The following DGKA variants were observed in gnomAD, a reference collection of about 807,000 sequenced individuals.
DGKA encodes the protein diacylglycerol kinase alpha.
Under a neutral mutation model 105.0 loss-of-function variants are expected in DGKA, and 35 were observed. The observed-to-expected ratio is 0.33, with a 90% CI of 0.25 to 0.44. DGKA has a LOEUF of 0.44. DGKA is among the 20% of genes least tolerant of loss of function. DGKA has a pLI of 1.00. For missense variants in DGKA, 665 were observed against 915.0 expected (o/e 0.73, Z 3.53); for synonymous variants, 296 against 332.0 (o/e 0.89, Z 1.18).
intron 17 of DGKA, among the ~76,000 whole-genome samples, chr12:55,948,128 A>T (rs1032371486): frequency 6.7e-6 from 1 of 149,598 alleles, no homozygotes; most frequent in Admixed American, 6.7e-5. Context: ...CATGCTGGAC[A>T]TGGTGGCTCA....
chr12:55,942,645 CA>C (rs1015996428), intron 17 of DGKA: 4 of 243,270 alleles, frequency 1.6e-5, no homozygotes, highest in Non-Finnish European at 3.3e-5. Context: ...CTCATTCAAA[CA>C]ATTAACCAGG....
intron 7 of DGKA, 68 bp from the exon 8 acceptor site, chr12:55,939,118 A>G: frequency 6.2e-7 from 1 of 1,605,470 alleles, no homozygotes; most frequent in Non-Finnish European, 8.5e-7. Context: ...ATATCCTAAG[A>G]GGCAGTGGAG....
intron 14 of DGKA, 65 bp from the exon 15 acceptor site, chr12:55,941,445 T>C: frequency 6.3e-7 from 1 of 1,591,520 alleles, no homozygotes; most frequent in Non-Finnish European, 8.6e-7. Context: ...ACAAAGAGGG[T>C]GAGGTTCAGA....
intron 23 of DGKA, 24 bp downstream of exon 23, chr12:55,953,434 A>G: frequency 1.2e-6 from 2 of 1,612,926 alleles, no homozygotes; most frequent in Non-Finnish European, 1.7e-6. Flanking sequence ...ATCCCAGCCA[A>G]AAATTAAACC....
chr12:55,950,339 C>T (rs958063313), intron 17 of DGKA, among the ~76,000 whole-genome samples: 11 of 146,802 alleles, frequency 7.5e-5, no homozygotes, highest in African/African-American at 2.8e-4. Context: ...CGGAGTCTTG[C>T]TCTGTCACCC....
intron 6 of DGKA, 41 bp from the exon 7 acceptor site, chr12:55,938,874 T>C (rs375330439): frequency 6.2e-7 from 1 of 1,610,162 alleles, no homozygotes. Flanking sequence ...ATGGTGGTAG[T>C]AAAGGGGATA....
intron 3 of DGKA, 61 bp from the exon 4 acceptor site, chr12:55,937,347 A>G (rs894934293): frequency 1.3e-6 from 2 of 1,582,860 alleles, no homozygotes; most frequent in African/African-American, 2.7e-5. Context: ...GCTACTCCCA[A>G]TTCTTCAGCC....
At chr12:55,938,766 A>G in intron 6 of DGKA, 149 bp from the exon 7 acceptor site, 1 of 1,532,956 alleles carries the variant, frequency 6.5e-7, no homozygotes. Context: ...CCTTACAAAC[A>G]TACAAACACA....
At chr12:55,929,848 C>G (rs1226569168), upstream of DGKA, 2 of 152,138 alleles carry the variant, frequency 1.3e-5, no homozygotes, top group Non-Finnish European at 2.9e-5. Flanking sequence ...CCACCTTATT[C>G]CTTATTCGAG....
At chr12:55,951,328 C>T (rs935867380) in intron 17 of DGKA, among the ~76,000 whole-genome samples, 8 of 152,156 alleles carry the variant, frequency 5.3e-5, no homozygotes, top group Non-Finnish European at 7.3e-5. Flanking sequence ...AGAGGATTAT[C>T]CCCATTTGTC....
At chr12:55,951,477 C>T in intron 17 of DGKA, 146 bp from the exon 18 acceptor site, 3 of 760,000 alleles carry the variant, frequency 3.9e-6, no homozygotes, top group Non-Finnish European at 6.4e-6. Context: ...GAGCTGTGAC[C>T]ATGCACCCTG....
At chr12:55,938,869 G>T in intron 6 of DGKA, 46 bp from the exon 7 acceptor site, 1 of 1,608,012 alleles carries the variant, frequency 6.2e-7, no homozygotes, top group South Asian at 1.1e-5. Flanking sequence ...TTTGGATGGT[G>T]GTAGTAAAGG....
chr12:55,953,603 C>T (rs1028393552), intron 23 of DGKA, 82 bp from the exon 24 acceptor site: 5 of 1,482,044 alleles, frequency 3.4e-6, no homozygotes, highest in African/African-American at 1.4e-5. Context: ...ACCCCAAACC[C>T]CACAGATTTC....
intron 9 of DGKA, 85 bp downstream of exon 9, chr12:55,939,614 T>C: frequency 7.4e-7 from 1 of 1,347,708 alleles, no homozygotes; most frequent in South Asian, 1.2e-5. Flanking sequence ...AGAAAAGACC[T>C]AGGTTTGAAT....
chr12:55,936,604 C>A (rs1565733361), intron 2 of DGKA, 37 bp downstream of exon 2: 2 of 1,613,810 alleles, frequency 1.2e-6, no homozygotes. Context: ...TCTGGAGACC[C>A]TGCCCCAGAG....
At chr12:55,927,932 T>A, upstream of DGKA, 1 of 773,652 alleles carries the variant, frequency 1.3e-6, no homozygotes, top group Non-Finnish European at 2.0e-6. Flanking sequence ...GAGGGCAGGG[T>A]GAAAGCTTCT....
rs780581470 is a variant in DGKA, at chr12:55,932,470, G to A, written c.-82+1126G>A. ...AGAAGGGTTCTTGTTTGGCCTCCAG[G>A]TCCCCAACTTCCCACCCCATCCTCT... On this transcript the variant is annotated intron_variant, in intron 1 of 23. Coordinates refer to ENST00000331886, the MANE Select transcript of DGKA (RefSeq NM_001345.5). This position sits in a 1 kb window ranked among gnomAD's most constrained non-coding sequence, Gnocchi z 4.3. 250 of 697,126 alleles carry A rather than the reference G, an allele frequency of 3.6e-4. No homozygotes were observed. Among genetic ancestry groups the A allele is most frequent in the Non-Finnish European group, 5.6e-4 (214 of 381,668 alleles). 43.2% of individuals were successfully genotyped at this position (697,126 alleles called of 1,614,324 possible).
At chr12:55,939,596 G>A (rs1885476411) in intron 9 of DGKA, 67 bp downstream of exon 9, 4 of 1,516,256 alleles carry the variant, frequency 2.6e-6, no homozygotes, top group Non-Finnish European at 3.7e-6. Context: ...GCTTGATGCT[G>A]TAAACTTAGA....
Position 55,952,221 on chromosome 12 carries a change from A to G in DGKA, c.1653-120A>G. On this transcript the variant is annotated intron_variant, in intron 19 of 23. Coordinates refer to ENST00000331886, the MANE Select transcript of DGKA (RefSeq NM_001345.5). The surrounding 1 kb of genome is among the most constrained non-coding windows in gnomAD (Gnocchi z 5.1). ...CTAGGAGGTCCCCCCAACCAAAGCC[A>G]CCCTTGTTCCCCATGGGACTAAAGT... The G allele has an allele frequency of 6.6e-7, 1 of 1,505,484 alleles. No individual in the cohort carries two copies. The highest frequency in any genetic ancestry group is 9.2e-7 in the Non-Finnish European group (1 of 1,083,198). 93.3% of individuals were successfully genotyped at this position (1,505,484 alleles called of 1,614,324 possible).
Sources: allele counts gnomAD v4.1 joint callset (sites outside exome capture counted in the v4.1 genomes callset), GRCh38; gene constraint gnomAD v4.1.1; non-coding constraint Gnocchi (gnomAD v3.1); transcripts MANE v1.5; gene names NCBI Gene and HGNC (gene_info 2026-07-23, HGNC 2026-07-21).